ITGA1: variants seen among roughly 807,000 people sequenced by gnomAD.
ITGA1 encodes the protein integrin alpha-1.
ITGA1 carries 85 observed loss-of-function variants against 145.9 expected under a neutral mutation model. The ratio of observed to expected loss-of-function variants is 0.58; its 90% confidence interval spans 0.49 to 0.70. The LOEUF is 0.70. ITGA1 is among the 30% of genes least tolerant of loss of function. The pLI, the probability that ITGA1 is intolerant of heterozygous loss-of-function variation, is 0.00. For missense variants in ITGA1, 1,351 were observed against 1,418.7 expected (o/e 0.95, Z 0.77); for synonymous variants, 520 against 495.3 (o/e 1.05, Z -0.66).
intron 7 of ITGA1, among the ~76,000 whole-genome samples, chr5:52,885,727 T>TA (rs1244710743): frequency 6.6e-6 from 1 of 152,186 alleles, no homozygotes; most frequent in Non-Finnish European, 1.5e-5. Flanking sequence ...AAAATCAAAT[T>TA]AAAGAAATGA....
At chr5:52,865,658 C>A (rs1352447294) in intron 5 of ITGA1, 32 bp from the exon 6 acceptor site, 1 of 1,414,078 alleles carries the variant, frequency 7.1e-7, no homozygotes, top group Non-Finnish European at 9.2e-7. Context: ...AAAATAGATT[C>A]CAAATTTGAC....
intron 24 of ITGA1, among the ~76,000 whole-genome samples, 194 bp downstream of exon 24, chr5:52,937,708 A>G (rs2111897211): frequency 6.6e-6 from 1 of 152,358 alleles, no homozygotes; most frequent in South Asian, 2.1e-4. Flanking sequence ...TCACAAATTG[A>G]GTGACTTAAA....
chr5:52,871,257 A>T (rs1162223437), intron 6 of ITGA1, among the ~76,000 whole-genome samples: 1 of 152,190 alleles, frequency 6.6e-6, no homozygotes, highest in African/African-American at 2.4e-5. Flanking sequence ...CAGCAATTTC[A>T]TTTGGTACAG....
At chr5:52,914,541 C>T (rs1365962244) in intron 14 of ITGA1, among the ~76,000 whole-genome samples, 1 of 149,650 alleles carries the variant, frequency 6.7e-6, no homozygotes, top group African/African-American at 2.5e-5. Flanking sequence ...GAGGCAGAGG[C>T]AGGAGAATCA....
intron 2 of ITGA1, among the ~76,000 whole-genome samples, chr5:52,854,531 A>G (rs1749477652): frequency 6.6e-6 from 1 of 152,110 alleles, no homozygotes; most frequent in African/African-American, 2.4e-5. Context: ...TGCTTATTCC[A>G]TTTATTTAAA....
chr5:52,947,559 T>C (rs1283087899), intron 28 of ITGA1, 98 bp downstream of exon 28: 4 of 711,366 alleles, frequency 5.6e-6, no homozygotes, highest in Non-Finnish European at 9.7e-6. Flanking sequence ...ATAGTATTAT[T>C]ACAGCAATGA....
chr5:52,865,220 T>A (rs1749668709), intron 5 of ITGA1, 138 bp downstream of exon 5: 1 of 618,882 alleles, frequency 1.6e-6, no homozygotes, highest in African/African-American at 1.9e-5. Flanking sequence ...AAATGTTTGC[T>A]TTGCCAGTAT....
chr5:52,802,726 G>A (rs1748514239), intron 1 of ITGA1: 1 of 151,968 alleles, frequency 6.6e-6, no homozygotes, highest in African/African-American at 2.4e-5. Context: ...ACTTAATTCT[G>A]TTTTATATTT....
At chr5:52,846,882 T>C (rs1749346548) in intron 1 of ITGA1, among the ~76,000 whole-genome samples, 1 of 151,986 alleles carries the variant, frequency 6.6e-6, no homozygotes, top group Non-Finnish European at 1.5e-5. Context: ...TCTATCTCCA[T>C]AAAATCTTCC....
intron 6 of ITGA1, among the ~76,000 whole-genome samples, chr5:52,880,407 C>T (rs1299861667): frequency 1.3e-5 from 2 of 152,108 alleles, no homozygotes; most frequent in Admixed American, 6.5e-5. Flanking sequence ...TAGAGGGTAA[C>T]TCAAAGATGA....
At chr5:52,865,140 G>A (rs1233249519) in intron 5 of ITGA1, 58 bp downstream of exon 5, 13 of 1,216,916 alleles carry the variant, frequency 1.1e-5, no homozygotes, top group South Asian at 2.6e-5. Flanking sequence ...TGAATGAGAC[G>A]TATGTATACA....
chr5:52,909,060 G>T lies in ITGA1; in HGVS notation c.1599+19G>T. 3 of 1,592,590 alleles carry T rather than the reference G, an allele frequency of 1.9e-6. No individual in the cohort carries two copies. Among genetic ancestry groups the T allele is most frequent in the Non-Finnish European group, 2.6e-6 (3 of 1,173,672 alleles). On this transcript the variant is annotated intron_variant, in intron 13 of 28. Transcript: ENST00000282588. ...CAATCAGGTAATGGTGTCTGAGTTT[G>T]GTAGAAATCCAGGAAAATCTCTTCC... is the stretch of plus-strand genomic sequence containing the variant.
Position 52,829,554 on chromosome 5 carries a change from C to A in ITGA1, c.62-19811C>A, listed in dbSNP as rs934568213. Among the ~76,000 whole-genome samples the A allele has an allele frequency of 2.6e-5, 4 of 151,768 alleles. No homozygotes were observed. The East Asian group carries it at 5.8e-4, about 22-fold the overall frequency. Reference sequence around the variant, plus strand: ...AAAAATGATCTCACTGTTTAAAAAGCACAGTTAGATGGAAAAGGGGACTTA... The same window carrying A: ...AAAAATGATCTCACTGTTTAAAAAGAACAGTTAGATGGAAAAGGGGACTTA... On this transcript the variant is annotated intron_variant, in intron 1 of 28. Transcript: ENST00000282588.
chr5:52,794,009 T>G (rs1041925626), intron 1 of ITGA1, among the ~76,000 whole-genome samples: 1 of 152,014 alleles, frequency 6.6e-6, no homozygotes, highest in African/African-American at 2.4e-5. Context: ...GATAAAAAAG[T>G]CAACTAAGTT....
rs1238069739 is a variant in ITGA1 at position 52,815,636 on chromosome 5, G to A, written c.61+27222G>A. 2.0e-5 allele frequency among the ~76,000 whole-genome samples: 3 copies of A among 152,180 alleles called. No homozygotes were observed. The East Asian group carries it at 5.8e-4, about 30-fold the overall frequency. ...GGCTCCATTCCAAAAAATGGAATAG[G>A]GATCTCCTTCCCTATGTTTGGAAAA... On this transcript the variant is annotated intron_variant, in intron 1 of 28. Transcript: ENST00000282588.
At chr5:52,789,482 G>A (rs1056016218) in intron 1 of ITGA1, among the ~76,000 whole-genome samples, 1 of 152,194 alleles carries the variant, frequency 6.6e-6, no homozygotes, top group Admixed American at 6.5e-5. Flanking sequence ...TAAGTTTTAT[G>A]AAGATGATTT....
intron 21 of ITGA1, among the ~76,000 whole-genome samples, chr5:52,930,544 C>T (rs993310911): frequency 6.6e-6 from 1 of 151,990 alleles, no homozygotes; most frequent in Non-Finnish European, 1.5e-5. Flanking sequence ...AATAAAAACA[C>T]TCCATTATAG....
At chr5:52,799,257 G>A (rs1379320010) in intron 1 of ITGA1, among the ~76,000 whole-genome samples, 1 of 152,154 alleles carries the variant, frequency 6.6e-6, no homozygotes, top group Admixed American at 6.5e-5. Context: ...AGAATGCTAA[G>A]TAACTTAAGG....
intron 11 of ITGA1, chr5:52,902,958 A>C (rs1343246403): frequency 6.6e-6 from 1 of 152,134 alleles, no homozygotes; most frequent in African/African-American, 2.4e-5. Flanking sequence ...TTTTAAAATT[A>C]GGCTTTACTT....
Sources: allele counts gnomAD v4.1 joint callset (sites outside exome capture counted in the v4.1 genomes callset), GRCh38; gene constraint gnomAD v4.1.1; transcripts MANE v1.5; gene names NCBI Gene and HGNC (gene_info 2026-07-23, HGNC 2026-07-21).